The following SLC25A48 variants were observed in gnomAD, a reference collection of about 807,000 sequenced individuals.
The protein encoded by SLC25A48 is CTC-321K16.1.
A neutral mutation model predicts 32.2 loss-of-function variants in SLC25A48; 29 were observed. That is an observed-to-expected ratio of 0.90 (90% confidence interval 0.67 to 1.23). The LOEUF (loss-of-function observed/expected upper bound fraction) is 1.23. SLC25A48 is among the 50% of genes most tolerant of loss of function. The pLI is 0.00. For missense variants in SLC25A48, 399 were observed against 422.7 expected, an observed-to-expected ratio of 0.94 and a Z score of 0.49; for synonymous variants, 164 against 172.3, an observed-to-expected ratio of 0.95 and a Z score of 0.38.
intron 1 of SLC25A48, among the ~76,000 whole-genome samples, chr5:135,614,721 C>T (rs1752147146): frequency 6.6e-6 from 1 of 151,952 alleles, no homozygotes; most frequent in Non-Finnish European, 1.5e-5. Context: ...TCCTTGAATC[C>T]CTGGGATAAA....
chr5:135,787,661 G>T (rs4521467), intron 3 of SLC25A48, among the ~76,000 whole-genome samples: 37,083 of 151,582 alleles, frequency 0.24, 4,963 homozygotes, highest in East Asian at 0.44. Context: ...TAATATCCTA[G>T]GGGGGATGTT....
chr5:135,866,882 G>A (rs182480434), intron 4 of SLC25A48, among the ~76,000 whole-genome samples: 8 of 152,342 alleles, frequency 5.3e-5, no homozygotes, highest in Admixed American at 5.2e-4. Flanking sequence ...CCTAACTGAA[G>A]TTGGGGAAAT....
chr5:135,705,142 G>A (rs527644270), intron 3 of SLC25A48, among the ~76,000 whole-genome samples: 4 of 152,166 alleles, frequency 2.6e-5, no homozygotes, highest in South Asian at 2.1e-4. Context: ...TCCTCCCTGC[G>A]GGCCTGTTCT....
At chr5:135,768,462 T>C (rs1330763355) in intron 3 of SLC25A48, among the ~76,000 whole-genome samples, 2 of 151,426 alleles carry the variant, frequency 1.3e-5, no homozygotes, top group Non-Finnish European at 2.9e-5. Context: ...TTACTTCTAA[T>C]ATCCCAGGGA....
intron 2 of SLC25A48, among the ~76,000 whole-genome samples, chr5:135,633,271 A>G (rs1043603858): frequency 1.3e-5 from 2 of 151,214 alleles, no homozygotes; most frequent in Non-Finnish European, 2.9e-5. Context: ...AACTCATCAC[A>G]GACATTGCTA....
At chr5:135,881,465 C>G (rs192851626) in intron 7 of SLC25A48, among the ~76,000 whole-genome samples, 6 of 152,238 alleles carry the variant, frequency 3.9e-5, no homozygotes, top group Admixed American at 3.9e-4. Context: ...ATGCTCTCCA[C>G]TTTTTGCTAA....
intron 3 of SLC25A48, among the ~76,000 whole-genome samples, chr5:135,739,270 A>G (rs1268301865): frequency 2.0e-5 from 3 of 152,084 alleles, no homozygotes; most frequent in South Asian, 2.1e-4. Flanking sequence ...AGTGCTCACC[A>G]TCATGCCTGG....
chr5:135,757,552 TATA>T (rs1755946508), intron 3 of SLC25A48, among the ~76,000 whole-genome samples: 2 of 149,230 alleles, frequency 1.3e-5, no homozygotes, highest in East Asian at 2.1e-4. Context: ...TCTATATATT[TATA>T]ATGTCTAGTG....
chr5:135,729,732 G>A (rs1043812348), intron 3 of SLC25A48, among the ~76,000 whole-genome samples: 7 of 152,180 alleles, frequency 4.6e-5, no homozygotes, highest in Non-Finnish European at 1.0e-4. Context: ...AAAGTTACAT[G>A]TGAGAGTTCT....
intron 4 of SLC25A48, among the ~76,000 whole-genome samples, chr5:135,829,122 T>A (rs1758140083): frequency 6.6e-6 from 1 of 152,220 alleles, no homozygotes; most frequent in African/African-American, 2.4e-5. Flanking sequence ...TAGAGGAGAA[T>A]GCCACATGGC....
intron 1 of SLC25A48, among the ~76,000 whole-genome samples, chr5:135,838,487 A>G (rs1442239982): frequency 6.6e-6 from 1 of 152,234 alleles, no homozygotes; most frequent in East Asian, 1.9e-4. Context: ...TCACCAAGAC[A>G]GTGGGGTAAA....
At chr5:135,877,515 T>C (rs1450662665) in intron 6 of SLC25A48, among the ~76,000 whole-genome samples, 1 of 152,202 alleles carries the variant, frequency 6.6e-6, no homozygotes, top group Non-Finnish European at 1.5e-5. Context: ...GCTCTTCCTT[T>C]GTCACGTCCA....
At position 135,880,047 on chromosome 5, in the gene SLC25A48, C is replaced by T. The variant is rs542773431; in HGVS notation, c.893C>T (p.Ser298Leu). Residue 298 changes from serine to leucine, a missense_variant, in exon 7 of 8, where the codon TCG becomes TTG. By Grantham distance (145) the Ser-to-Leu change is moderately radical (BLOSUM62 -2). Coordinates refer to ENST00000681962, the MANE Select transcript of SLC25A48 (RefSeq NM_001349336.2). ...GCCATGTTCCTTGGGTACGAGCTGT[C>T]GCTGCAGGCTATCCGCGGGGACCAC... is the stretch of plus-strand genomic sequence containing the variant. ...SAAMFLGYEL[S>L]LQAIRGDHAV... is the part of the protein sequence containing the mutation. The T allele has an allele frequency of 1.2e-4, 181 of 1,536,186 alleles. No individual in the cohort carries two copies. The highest frequency in any genetic ancestry group is 1.4e-4 in the Non-Finnish European group (155 of 1,146,922).
chr5:135,706,247 C>T (rs6882106), intron 3 of SLC25A48, among the ~76,000 whole-genome samples: 33,581 of 152,074 alleles, frequency 0.22, 3,731 homozygotes, highest in East Asian at 0.29. Context: ...CTCCTGGTGA[C>T]TTGTGGCAGG....
intron 1 of SLC25A48, among the ~76,000 whole-genome samples, chr5:135,618,780 T>C (rs1300925733): frequency 6.6e-6 from 1 of 152,034 alleles, no homozygotes; most frequent in Admixed American, 6.5e-5. Context: ...TATACTTGAG[T>C]TGTAGTTTCT....
chr5:135,812,086 A>AAAAT (rs1248495552), intron 3 of SLC25A48, among the ~76,000 whole-genome samples: 9 of 151,960 alleles, frequency 5.9e-5, no homozygotes, highest in Non-Finnish European at 1.2e-4. Context: ...TGTCTCAAAA[A>AAAAT]AAATAAATAA....
exon 4 of SLC25A48, chr5:135,812,849 C>A (rs534149874): frequency 1.8e-4 from 28 of 152,414 alleles, no homozygotes; most frequent in African/African-American, 6.5e-4. Flanking sequence ...GCCAGCCTGT[C>A]CTTTGCTGTC....
At chr5:135,753,626 G>A (rs952511581) in intron 3 of SLC25A48, among the ~76,000 whole-genome samples, 1 of 151,946 alleles carries the variant, frequency 6.6e-6, no homozygotes, top group African/African-American at 2.4e-5. Context: ...CACACAGGGT[G>A]CACACCCACA....
chr5:135,626,467 C>T (rs1370742584), intron 1 of SLC25A48, among the ~76,000 whole-genome samples: 2 of 152,192 alleles, frequency 1.3e-5, no homozygotes, highest in Admixed American at 1.3e-4. Context: ...CAAGCCAAAG[C>T]CTTGGCTTAT....
Sources: allele counts gnomAD v4.1 joint callset (sites outside exome capture counted in the v4.1 genomes callset), GRCh38; gene constraint gnomAD v4.1.1; transcripts MANE v1.5; gene names NCBI Gene and HGNC (gene_info 2026-07-23, HGNC 2026-07-21).